Variants in UBE2E2 observed in about 807,000 individuals in gnomAD.
The protein encoded by UBE2E2 is ubiquitin conjugating enzyme E2 E2, also known as ubiquitin-conjugating enzyme E2 E2.
A neutral mutation model predicts 24.7 loss-of-function variants in UBE2E2; 6 were observed. The observed-to-expected ratio is 0.24, with a 90% CI of 0.13 to 0.48. The LOEUF is 0.48. Among genes scored for constraint, UBE2E2 ranks in the 20% least tolerant of loss-of-function variants. The probability of loss-of-function intolerance (pLI) is 0.99; values close to 1 mark genes in which losing one functional copy is unlikely to be tolerated. For missense variants in UBE2E2, 169 were observed against 245.0 expected, an observed-to-expected ratio of 0.69 and a Z score of 2.07; for synonymous variants, 104 against 83.6, an observed-to-expected ratio of 1.24 and a Z score of -1.33.
chr3:23,210,946 A>G (rs972700997), intron 2 of UBE2E2, among the ~76,000 whole-genome samples: 1 of 152,184 alleles, frequency 6.6e-6, no homozygotes, highest in African/African-American at 2.4e-5. Context: ...TTTAATTTAA[A>G]AAACCTTATT....
At chr3:23,385,783 A>G (rs1423195316) in intron 3 of UBE2E2, among the ~76,000 whole-genome samples, 1 of 152,230 alleles carries the variant, frequency 6.6e-6, no homozygotes, top group African/African-American at 2.4e-5. Context: ...CTTCTCACAG[A>G]TTGTTGCACT....
At chr3:23,485,379 G>C (rs754635629) in intron 3 of UBE2E2, among the ~76,000 whole-genome samples, 2 of 152,116 alleles carry the variant, frequency 1.3e-5, no homozygotes, top group Non-Finnish European at 2.9e-5. Context: ...TTACAGGCAT[G>C]AGCCTCCACG....
chr3:23,404,776 T>G (rs770727578), intron 3 of UBE2E2, among the ~76,000 whole-genome samples: 3 of 152,236 alleles, frequency 2.0e-5, no homozygotes, highest in Non-Finnish European at 2.9e-5. Context: ...CCAATGTATG[T>G]CTGTCTGTAC....
intron 3 of UBE2E2, among the ~76,000 whole-genome samples, chr3:23,486,061 C>T (rs1355992662): frequency 6.6e-6 from 1 of 152,164 alleles, no homozygotes; most frequent in Admixed American, 6.5e-5. Flanking sequence ...ATTTGTTCCA[C>T]CCACTCGGCC....
chr3:23,544,631 A>G (rs1173130035), intron 5 of UBE2E2, among the ~76,000 whole-genome samples: 1 of 152,174 alleles, frequency 6.6e-6, no homozygotes, highest in Non-Finnish European at 1.5e-5. Context: ...TGTGTGGACT[A>G]TGGAGATTTC....
intron 3 of UBE2E2, among the ~76,000 whole-genome samples, chr3:23,483,675 C>G (rs1244810544): frequency 6.6e-6 from 1 of 152,128 alleles, no homozygotes; most frequent in Non-Finnish European, 1.5e-5. Context: ...GTAAGTTTGC[C>G]CAGTGCTGCT....
intron 3 of UBE2E2, among the ~76,000 whole-genome samples, chr3:23,363,836 A>T (rs559486850): frequency 6.6e-6 from 1 of 151,964 alleles, no homozygotes; most frequent in Non-Finnish European, 1.5e-5. Context: ...AAACAACAAG[A>T]TATACATTCT....
chr3:23,539,051 C>T (rs1359488986), intron 5 of UBE2E2, among the ~76,000 whole-genome samples: 3 of 152,176 alleles, frequency 2.0e-5, no homozygotes, highest in Admixed American at 1.3e-4. Flanking sequence ...TCTTGGATTC[C>T]CTAGTTGTGA....
upstream of UBE2E2, chr3:23,203,315 G>C: frequency 1.0e-6 from 1 of 986,976 alleles, no homozygotes; most frequent in Non-Finnish European, 1.2e-6. Flanking sequence ...CGGGTGCGTG[G>C]TGCGTGGGTC....
At chr3:23,525,358 A>C (rs970946416) in intron 4 of UBE2E2, among the ~76,000 whole-genome samples, 62 of 152,176 alleles carry the variant, frequency 4.1e-4, no homozygotes, top group African/African-American at 1.4e-3. Flanking sequence ...ATGTGTACCC[A>C]CACATGCAGG....
At chr3:23,381,676 C>T (rs566810379) in intron 3 of UBE2E2, among the ~76,000 whole-genome samples, 10 of 152,294 alleles carry the variant, frequency 6.6e-5, no homozygotes, top group African/African-American at 2.2e-4. Context: ...TACTGTATAA[C>T]ATTTTATGAA....
At chr3:23,549,351 A>G (rs1421681158) in intron 5 of UBE2E2, among the ~76,000 whole-genome samples, 1 of 152,230 alleles carries the variant, frequency 6.6e-6, no homozygotes, top group African/African-American at 2.4e-5. Flanking sequence ...CCTTGCATGC[A>G]TCTTTTCAGC....
At chr3:23,559,385 C>CTG (rs1695866071) in intron 5 of UBE2E2, among the ~76,000 whole-genome samples, 1 of 152,116 alleles carries the variant, frequency 6.6e-6, no homozygotes, top group South Asian at 2.1e-4. Context: ...GACCTATCAC[C>CTG]TCCTCACCAC....
intron 5 of UBE2E2, among the ~76,000 whole-genome samples, chr3:23,533,945 G>A (rs1384788898): frequency 6.6e-6 from 1 of 151,984 alleles, no homozygotes; most frequent in African/African-American, 2.4e-5. Context: ...AATTGTGCAG[G>A]ATCATTATAA....
chr3:23,566,529 A>G (rs11712991), intron 5 of UBE2E2, among the ~76,000 whole-genome samples: 32,236 of 152,166 alleles, frequency 0.21, 3,622 homozygotes, highest in Non-Finnish European at 0.26. Flanking sequence ...TTTGGCTCAC[A>G]GTTCTGCAGG....
chr3:23,463,275 AT>A (rs1698850621), intron 3 of UBE2E2, among the ~76,000 whole-genome samples: 1 of 152,158 alleles, frequency 6.6e-6, no homozygotes, highest in Non-Finnish European at 1.5e-5. Flanking sequence ...GGTGGGAATG[AT>A]TAGTGGCTGC....
chr3:23,419,560 G>A (rs1197106814), intron 3 of UBE2E2, among the ~76,000 whole-genome samples: 1 of 152,174 alleles, frequency 6.6e-6, no homozygotes, highest in African/African-American at 2.4e-5. Context: ...ATAAGTTGTG[G>A]ATGTTGCTTG....
At chr3:23,579,328 T>C (rs186752278) in intron 5 of UBE2E2, among the ~76,000 whole-genome samples, 1 of 147,358 alleles carries the variant, frequency 6.8e-6, no homozygotes, top group East Asian at 2.0e-4. Flanking sequence ...GAGCTTGCAG[T>C]GAGCCAAGAT....
At chr3:23,350,411 GA>G in intron 3 of UBE2E2, among the ~76,000 whole-genome samples, 1 of 152,354 alleles carries the variant, frequency 6.6e-6, no homozygotes, top group East Asian at 1.9e-4. Flanking sequence ...GTTGAGAGAA[GA>G]AGGCTTCAGA....
Sources: gnomAD v4.1 joint callset for allele counts (sites outside exome capture counted in the v4.1 genomes callset) on GRCh38, gnomAD v4.1.1 for gene constraint, MANE v1.5 for transcripts, NCBI Gene and HGNC (gene_info 2026-07-23, HGNC 2026-07-21) for gene names.